The following TRPC7 variants were observed in gnomAD, a reference collection of about 807,000 sequenced individuals.
TRPC7 encodes transient receptor potential cation channel subfamily C member 7, also known as short transient receptor potential channel 7.
In TRPC7, 42 loss-of-function variants were observed where a neutral mutation model predicts 90.1. The ratio of observed to expected loss-of-function variants is 0.47; its 90% CI spans 0.36 to 0.60. The LOEUF is 0.60. Among genes scored for constraint, TRPC7 ranks in the 20% least tolerant of loss-of-function variants. The pLI is 0.00. For missense variants in TRPC7, 955 were observed against 1,112.3 expected (o/e 0.86, Z 2.01); for synonymous variants, 451 against 436.3 (o/e 1.03, Z -0.42).
At chr5:136,351,647 T>C (rs1760199471) in intron 2 of TRPC7, among the ~76,000 whole-genome samples, 1 of 152,138 alleles carries the variant, frequency 6.6e-6, no homozygotes, top group Non-Finnish European at 1.5e-5. Flanking sequence ...AAGTCACTCC[T>C]TCTCCTCACT....
intron 3 of TRPC7, among the ~76,000 whole-genome samples, chr5:136,292,252 C>T (rs1757984503): frequency 1.3e-5 from 2 of 152,194 alleles, no homozygotes; most frequent in South Asian, 2.1e-4. Context: ...CAAGAGCAAA[C>T]ACATTCAAAA....
rs1163274204 is a variant in TRPC7 at position 136,213,019 on chromosome 5, GGAGT to G, written c.*412_*415del. Among the ~76,000 whole-genome samples the G allele has an allele frequency of 1.3e-5, 2 of 152,162 alleles. No individual in the cohort carries two copies. Among genetic ancestry groups the G allele is most frequent in the Admixed American group, 6.5e-5 (1 of 15,290 alleles). ...TGGATGTGTTGGGGGTGGCAGGGAG[GGAGT>G]GAGAAGGAGTTTGTGGGTTGAGGTG... On this transcript the variant is annotated 3_prime_UTR_variant, in exon 12 of 12. Transcript: ENST00000513104.
chr5:136,225,968 C>T (rs1186118538), intron 9 of TRPC7, 66 bp downstream of exon 9: 6 of 1,400,354 alleles, frequency 4.3e-6, no homozygotes, highest in Non-Finnish European at 5.9e-6. Flanking sequence ...ATGACTCAAA[C>T]ACACTCTAGA....
At chr5:136,234,517 C>T (rs1466139596) in intron 7 of TRPC7, among the ~76,000 whole-genome samples, 2 of 152,062 alleles carry the variant, frequency 1.3e-5, no homozygotes, top group Non-Finnish European at 2.9e-5. Flanking sequence ...ACCATGTTGG[C>T]CAGGCTGGTC....
chr5:136,223,307 G>A (rs1755518765), intron 10 of TRPC7, among the ~76,000 whole-genome samples: 1 of 152,194 alleles, frequency 6.6e-6, no homozygotes. Flanking sequence ...GGACTGCTTT[G>A]AGACTGCTTT....
At chr5:136,286,088 A>C (rs1464059574) in intron 3 of TRPC7, among the ~76,000 whole-genome samples, 1 of 152,240 alleles carries the variant, frequency 6.6e-6, no homozygotes, top group Non-Finnish European at 1.5e-5. Flanking sequence ...TGTCCAGTAC[A>C]TAGTATAATT....
intron 7 of TRPC7, 59 bp from the exon 8 acceptor site, chr5:136,231,608 TC>T: frequency 6.9e-7 from 1 of 1,449,412 alleles, no homozygotes; most frequent in East Asian, 2.4e-5. Flanking sequence ...TTTTATTTAT[TC>T]ATTCATTTAT....
chr5:136,317,315 CTCAT>C (rs1173056041), intron 2 of TRPC7, among the ~76,000 whole-genome samples: 1 of 152,184 alleles, frequency 6.6e-6, no homozygotes, highest in African/African-American at 2.4e-5. Context: ...CTGCCATTCA[CTCAT>C]TCATTCATTC....
intron 3 of TRPC7, among the ~76,000 whole-genome samples, chr5:136,290,959 A>G (rs954067737): frequency 2.2e-4 from 33 of 152,374 alleles, no homozygotes; most frequent in African/African-American, 7.7e-4. Flanking sequence ...GAAACTCTGC[A>G]AGCCAGAAGA....
In TRPC7 at chr5:136,365,376, A is replaced by G. The variant is rs1760691031; in HGVS notation, c.-122T>C. ...GTACCGCTCTCCGTGGTGCTGAAGT[A>G]TAGAGCTGGTCAAGTGAGTTAAGTT... On this transcript the variant is annotated 5_prime_UTR_variant, in exon 1 of 12. Transcript: ENST00000513104. 2.0e-6 allele frequency: 2 copies of G among 1,022,160 alleles called. No individual in the cohort carries two copies. The highest frequency in any genetic ancestry group is 2.9e-6 in the Non-Finnish European group (2 of 680,888). 63.3% of individuals were successfully genotyped at this position (1,022,160 alleles called of 1,614,324 possible). A position where few individuals can be genotyped will look rare whatever the true frequency, so the allele number is the denominator to read the frequency against.
intron 1 of TRPC7, among the ~76,000 whole-genome samples, chr5:136,361,589 A>C (rs1309903369): frequency 6.6e-6 from 1 of 152,194 alleles, no homozygotes; most frequent in East Asian, 1.9e-4. Context: ...CTGAAGAAGA[A>C]AAGGCCACTT....
At chr5:136,229,104 A>G (rs536572597) in intron 8 of TRPC7, among the ~76,000 whole-genome samples, 260 of 152,374 alleles carry the variant, frequency 1.7e-3, no homozygotes, top group Middle Eastern at 3.4e-3. Flanking sequence ...ACATGGGGAA[A>G]CTGAGGCCCA....
rs74503857 is a variant in TRPC7 at position 136,276,186 on chromosome 5, T to C, written c.964-1349A>G. The stretch of plus-strand genomic sequence containing the variant: ...TAAAGTTTACATTTGAAAAAAAATA[T>C]ACTCGTTAGCTTATTTTTTTCCCCA... On this transcript the variant is annotated intron_variant, in intron 3 of 11. Transcript: ENST00000513104. Among the ~76,000 whole-genome samples the C allele has an allele frequency of 2.6e-4, 40 of 152,332 alleles. No individual in the cohort carries two copies. The East Asian group carries it at 7.3e-3, about 28-fold the overall frequency.
At chr5:136,311,481 G>T (rs1421649559) in intron 3 of TRPC7, among the ~76,000 whole-genome samples, 1 of 152,228 alleles carries the variant, frequency 6.6e-6, no homozygotes, top group Non-Finnish European at 1.5e-5. Flanking sequence ...TTCAGAGGCT[G>T]GTTGGGTTGG....
At chr5:136,263,123 G>C (rs1013161845) in intron 5 of TRPC7, among the ~76,000 whole-genome samples, 1 of 152,162 alleles carries the variant, frequency 6.6e-6, no homozygotes, top group African/African-American at 2.4e-5. Flanking sequence ...GCTAAAAGCC[G>C]AACCGTTTTC....
chr5:136,363,693 T>C lies in TRPC7; in HGVS notation c.2+1560A>G, dbSNP rs138645971. The stretch of plus-strand genomic sequence containing the variant: ...ATTATCTAGTGTTCCTGAATGTTAA[T>C]AAGTGTTTCTATTAGTAATTTATTT... On this transcript the variant is annotated intron_variant, in intron 1 of 11. Transcript: ENST00000513104. Among the ~76,000 whole-genome samples, 51 of 152,300 alleles carry C rather than the reference T, an allele frequency of 3.3e-4. No homozygotes were observed. In the East Asian group the frequency reaches 8.1e-3, roughly 24 times the overall value.
At position 136,256,910 on chromosome 5, in the gene TRPC7, C is replaced by T. The variant is rs866264680; in HGVS notation, c.1346-5028G>A. 2.0e-4 allele frequency among the ~76,000 whole-genome samples: 30 copies of T among 151,946 alleles called. No homozygotes were observed. In the Middle Eastern group the frequency reaches 0.01, roughly 52 times the overall value. On this transcript the variant is annotated intron_variant, in intron 5 of 11. Coordinates refer to ENST00000513104, the MANE Select transcript of TRPC7 (RefSeq NM_020389.3). Reference sequence around the variant, plus strand: ...TTTCCCAGACATTAACCCAAGCACACTCACAGATGCCTACATGATAACAAT... The same window carrying T: ...TTTCCCAGACATTAACCCAAGCACATTCACAGATGCCTACATGATAACAAT...
chr5:136,334,584 G>T (rs1759594895), intron 2 of TRPC7, among the ~76,000 whole-genome samples: 1 of 152,166 alleles, frequency 6.6e-6, no homozygotes, highest in African/African-American at 2.4e-5. Context: ...TGGCTTTTCT[G>T]TATCCCTGAG....
intron 5 of TRPC7, among the ~76,000 whole-genome samples, chr5:136,257,414 C>T (rs373990218): frequency 2.6e-4 from 40 of 152,232 alleles, no homozygotes; most frequent in African/African-American, 9.4e-4. Flanking sequence ...AACTCCTGAC[C>T]TCGTGATCCT....
Sources: gnomAD v4.1 joint callset for allele counts (sites outside exome capture counted in the v4.1 genomes callset) on GRCh38, gnomAD v4.1.1 for gene constraint, MANE v1.5 for transcripts, NCBI Gene and HGNC (gene_info 2026-07-23, HGNC 2026-07-21) for gene names.